Variants in CYP4X1 observed in about 807,000 individuals in gnomAD.
The protein encoded by CYP4X1 is cytochrome P450 4X1.
In CYP4X1, 44 loss-of-function variants were observed where a neutral mutation model predicts 57.9. That is an observed-to-expected ratio of 0.76 (90% CI 0.60 to 0.98). The LOEUF is 0.98. Ranked by LOEUF, CYP4X1 falls within the 50% of genes least tolerant of loss-of-function variation. The pLI, the probability that CYP4X1 is intolerant of heterozygous loss-of-function variation, is 0.00. For synonymous variants in CYP4X1, 227 were observed against 228.6 expected (o/e 0.99, Z 0.06); for missense variants, 532 against 623.9 (o/e 0.85, Z 1.57).
At chr1:47,045,329 TA>T (rs554678081) in intron 8 of CYP4X1, among the ~76,000 whole-genome samples, 1 of 152,004 alleles carries the variant, frequency 6.6e-6, no homozygotes, top group African/African-American at 2.4e-5. Context: ...GATGCAAATT[TA>T]AAAAAAACTT....
At chr1:46,962,108 G>GTCTT in the CYP4X1 span, among the ~76,000 whole-genome samples, 2 of 151,988 alleles carry the variant, frequency 1.3e-5, no homozygotes, top group Non-Finnish European at 2.9e-5. Context: ...TCTTTTTTCT[G>GTCTT]TCTTTCTTTC....
At chr1:47,024,249 G>C (rs1436096443) in intron 1 of CYP4X1, among the ~76,000 whole-genome samples, 1 of 152,182 alleles carries the variant, frequency 6.6e-6, no homozygotes, top group Non-Finnish European at 1.5e-5. Flanking sequence ...TAAAGAACCT[G>C]AATATGGAAA....
the CYP4X1 span, among the ~76,000 whole-genome samples, chr1:47,001,641 C>T: frequency 2.0e-5 from 3 of 152,208 alleles, no homozygotes; most frequent in Non-Finnish European, 4.4e-5. Context: ...CGCCTCGGTC[C>T]AATAGCACCT....
the CYP4X1 span, among the ~76,000 whole-genome samples, chr1:47,015,026 T>C: frequency 8.8e-4 from 134 of 152,274 alleles, 4 homozygotes; most frequent in South Asian, 0.016. Flanking sequence ...CATTTCCCTA[T>C]CTGTAAGATA....
Position 47,036,370 on chromosome 1 carries a change from T to TATA in CYP4X1, c.775+199_775+200insATA, listed in dbSNP as rs1553152516. ...AACCATAGCAGTATTATCAGAATTT[T>TATA]TATATATATATATATACACTATTTT... On this transcript the variant is annotated intron_variant, in intron 6 of 11. Coordinates refer to ENST00000371901, the MANE Select transcript of CYP4X1 (RefSeq NM_178033.2). 1.2e-3 allele frequency among the ~76,000 whole-genome samples: 160 copies of TATA among 129,830 alleles called. 4 individuals carry two copies. Among genetic ancestry groups the TATA allele is most frequent in the African/African-American group, 3.6e-3 (129 of 35,838 alleles). The allele number at this position is 129,830 out of a possible 152,430, so 85.2% of individuals were successfully genotyped here.
At chr1:47,021,696 C>T (rs967684573), upstream of CYP4X1, among the ~76,000 whole-genome samples, 3 of 152,158 alleles carry the variant, frequency 2.0e-5, no homozygotes, top group African/African-American at 7.2e-5. Flanking sequence ...CCCATGAAAG[C>T]ACATGGAACG....
chr1:47,030,197 C>T, intron 2 of CYP4X1, 66 bp downstream of exon 2: 5 of 1,534,184 alleles, frequency 3.3e-6, no homozygotes, highest in Non-Finnish European at 4.4e-6. Flanking sequence ...AACCCATAGG[C>T]AAGATTCCAA....
At position 47,036,036 on chromosome 1, in the gene CYP4X1, A is replaced by G. The variant is rs766218521; in HGVS notation, c.640A>G (p.Lys214Glu). 6.2e-6 allele frequency: 10 copies of G among 1,613,242 alleles called. No individual in the cohort carries two copies. Among genetic ancestry groups the G allele is most frequent in the Non-Finnish European group, 8.5e-6 (10 of 1,179,336 alleles). Residue 214 changes from lysine (K) to glutamate (E), a missense_variant, in exon 6 of 12, where the codon AAA (lysine) becomes GAA (glutamate). Coordinates refer to ENST00000371901, the MANE Select transcript of CYP4X1 (RefSeq NM_178033.2). ...QTNSTHDPYA[K>E]AIFELSKIIF... ...TTCTAGCACCCATGATCCTTATGCAAAAGCCATATTTGAACTCAGCAAAAT... is the reference window on the plus strand; with the variant it reads ...TTCTAGCACCCATGATCCTTATGCAGAAGCCATATTTGAACTCAGCAAAAT...
At chr1:46,990,541 G>A in the CYP4X1 span, among the ~76,000 whole-genome samples, 312 of 152,232 alleles carry the variant, frequency 2.0e-3, 4 homozygotes, top group Admixed American at 6.1e-3. Flanking sequence ...CCAGCAATCC[G>A]ATTACTGGGT....
the CYP4X1 span, among the ~76,000 whole-genome samples, chr1:47,007,868 A>C: frequency 1.3e-5 from 2 of 152,248 alleles, no homozygotes; most frequent in Non-Finnish European, 2.9e-5. Context: ...TGAGAAGTTT[A>C]GAGAAAAAAG....
At chr1:47,028,603 A>G (rs1473119930) in intron 1 of CYP4X1, among the ~76,000 whole-genome samples, 1 of 152,242 alleles carries the variant, frequency 6.6e-6, no homozygotes. Context: ...TAAATTAAAT[A>G]TAGTACAGTA....
chr1:47,037,157 T>G (rs1644192539), intron 6 of CYP4X1, among the ~76,000 whole-genome samples: 1 of 151,906 alleles, frequency 6.6e-6, no homozygotes, highest in African/African-American at 2.4e-5. Flanking sequence ...TACAGAACTT[T>G]GTAAAAAAAA....
the CYP4X1 span, among the ~76,000 whole-genome samples, chr1:46,983,980 C>T: frequency 6.6e-6 from 1 of 152,094 alleles, no homozygotes; most frequent in Admixed American, 6.5e-5. Flanking sequence ...AGCCAGGCCT[C>T]CCTTGTTGGC....
At chr1:47,023,518 G>T, upstream of CYP4X1, 1 of 1,146,632 alleles carries the variant, frequency 8.7e-7, no homozygotes, top group Non-Finnish European at 1.1e-6. Context: ...TATAAATTCA[G>T]ATCCCGTGAC....
At chr1:46,972,559 T>C in the CYP4X1 span, among the ~76,000 whole-genome samples, 2 of 152,302 alleles carry the variant, frequency 1.3e-5, no homozygotes, top group East Asian at 3.9e-4. Flanking sequence ...TGATTCTCCA[T>C]ATCCATGAGC....
the CYP4X1 span, among the ~76,000 whole-genome samples, chr1:46,990,354 C>T: frequency 3.3e-5 from 5 of 152,092 alleles, no homozygotes; most frequent in African/African-American, 1.2e-4. Flanking sequence ...AATGAGATAC[C>T]ATCTCAAGCC....
At chr1:47,027,934 C>G (rs1644087767) in intron 1 of CYP4X1, among the ~76,000 whole-genome samples, 1 of 152,122 alleles carries the variant, frequency 6.6e-6, no homozygotes, top group South Asian at 2.1e-4. Flanking sequence ...CCACTAACTA[C>G]AATATAAAAT....
the CYP4X1 span, among the ~76,000 whole-genome samples, chr1:47,006,240 T>C: frequency 1.3e-5 from 2 of 152,204 alleles, no homozygotes; most frequent in Admixed American, 6.5e-5. Flanking sequence ...GAAATATGGT[T>C]CTAAAAACTG....
chr1:47,028,572 T>C (rs761182957), intron 1 of CYP4X1, among the ~76,000 whole-genome samples: 3 of 152,226 alleles, frequency 2.0e-5, no homozygotes, highest in Non-Finnish European at 4.4e-5. Context: ...ATTTAGATGC[T>C]TCTCTGGGGA....
Sources: allele counts gnomAD v4.1 joint callset (sites outside exome capture counted in the v4.1 genomes callset), GRCh38; gene constraint gnomAD v4.1.1; transcripts MANE v1.5; gene names NCBI Gene and HGNC (gene_info 2026-07-23, HGNC 2026-07-21).